Variants in RREB1 observed in about 807,000 individuals in gnomAD.
RREB1 encodes ras responsive element binding protein 1.
Under a neutral mutation model 117.8 loss-of-function variants are expected in RREB1, and 27 were observed. That is an observed-to-expected ratio of 0.23 (90% confidence interval 0.17 to 0.32). The LOEUF (loss-of-function observed/expected upper bound fraction) is 0.32, where lower values mean the gene tolerates loss of function less well. RREB1 is among the 10% of genes least tolerant of loss of function. The probability of loss-of-function intolerance (pLI) is 1.00; values close to 1 mark genes in which losing one functional copy is unlikely to be tolerated. For missense variants in RREB1, 2,577 were observed against 2,378.2 expected (o/e 1.08, Z -1.74); for synonymous variants, 1,298 against 1,026.7 (o/e 1.26, Z -5.05).
At chr6:7,182,599 G>C (rs2113532877) in intron 4 of RREB1, among the ~76,000 whole-genome samples, 1 of 152,290 alleles carries the variant, frequency 6.6e-6, no homozygotes, top group African/African-American at 2.4e-5. Flanking sequence ...AAAGTAAATA[G>C]GTGGAATTGA....
At position 7,171,771 on chromosome 6, in the gene RREB1, T is replaced by C. The variant is rs142895928; in HGVS notation, c.-284-4884T>C. Among the ~76,000 whole-genome samples, 33 of 152,134 alleles carry C rather than the reference T, an allele frequency of 2.2e-4. 2 individuals are homozygous for C. The highest frequency in any genetic ancestry group is 6.5e-4 in the African/African-American group (27 of 41,498). On this transcript the variant is annotated intron_variant, in intron 1 of 12. Transcript: ENST00000379938. ...ACGAGCCATGGGTCAGTGGGAGTCA[T>C]GTGGAACATGGCCATGAGGGATGAG...
intron 11 of RREB1, 58 bp downstream of exon 11, chr6:7,240,660 G>A: frequency 2.0e-6 from 3 of 1,529,074 alleles, no homozygotes; most frequent in Non-Finnish European, 2.7e-6. Context: ...GTTCGGTTAA[G>A]AATTGTAGCA....
At chr6:7,192,179 T>TTTG (rs551930153) in intron 6 of RREB1, among the ~76,000 whole-genome samples, 76 of 150,868 alleles carry the variant, frequency 5.0e-4, no homozygotes, top group African/African-American at 1.6e-3. Context: ...CCTTTATTCT[T>TTTG]TTGTTGTTGT....
At chr6:7,227,033 G>A (rs755000946) in intron 9 of RREB1, among the ~76,000 whole-genome samples, 33 of 152,162 alleles carry the variant, frequency 2.2e-4, no homozygotes, top group Non-Finnish European at 3.8e-4. Flanking sequence ...TTGAGGTCAG[G>A]AGGTTGAGAC....
intron 1 of RREB1, among the ~76,000 whole-genome samples, chr6:7,115,076 C>T (rs1300882712): frequency 6.7e-6 from 1 of 149,998 alleles, no homozygotes; most frequent in Non-Finnish European, 1.5e-5. Context: ...GTTTTATTTT[C>T]TCAAGTTTTT....
rs750346771 is a variant in RREB1 at position 7,229,273 on chromosome 6, C to G, written c.1174C>G (p.Gln392Glu). The change falls in exon 10 of 13, where the codon CAG (glutamine) becomes GAG (glutamate). Residue 392 changes from glutamine to glutamate, a missense_variant. Coordinates refer to ENST00000379938, the MANE Select transcript of RREB1 (RefSeq NM_001003699.4). The surrounding 1 kb of genome is among the most constrained non-coding windows in gnomAD (Gnocchi z 4.5). ...CCTGCCGGATGACAACCAGGCAATT[C>G]AGCTCCAGACACTCAAGTGTCAGCT... is the stretch of plus-strand genomic sequence containing the variant. ...EPLPDDNQAI[Q>E]LQTLKCQLPQ... 12 of 1,614,114 alleles carry G rather than the reference C, an allele frequency of 7.4e-6. No homozygotes were observed. The highest frequency in any genetic ancestry group is 9.3e-6 in the Non-Finnish European group (11 of 1,180,018).
At chr6:7,179,915 G>A (rs1764704717) in intron 2 of RREB1, among the ~76,000 whole-genome samples, 1 of 152,026 alleles carries the variant, frequency 6.6e-6, no homozygotes, top group Admixed American at 6.5e-5. Context: ...GCCTCCCAAA[G>A]TGCTGACATT....
chr6:7,177,231 A>T (rs1219462684), intron 2 of RREB1, among the ~76,000 whole-genome samples: 1 of 151,322 alleles, frequency 6.6e-6, no homozygotes, highest in Non-Finnish European at 1.5e-5. Context: ...AAAAAAAAAA[A>T]AAAAAAAAAA....
chr6:7,231,829 C>A lies in RREB1; in HGVS notation c.3730C>A (p.Gln1244Lys). The change falls in exon 10 of 13, where the codon CAG becomes AAG. Residue 1244 changes from glutamine to lysine, a missense_variant. Gln to Lys is a moderately conservative substitution (Grantham distance 53, BLOSUM62 1). Coordinates refer to ENST00000379938, the MANE Select transcript of RREB1 (RefSeq NM_001003699.4). ...GCGGAACTCGTACACCAACTGCCTGCAGAAGATCACCTGTCCCCACTGTCC... is the reference window on the plus strand; with the variant it reads ...GCGGAACTCGTACACCAACTGCCTGAAGAAGATCACCTGTCCCCACTGTCC... ...AKRNSYTNCL[Q>K]KITCPHCPRV... 1 of 1,613,730 alleles carries A rather than the reference C, an allele frequency of 6.2e-7. No homozygotes were observed. Among genetic ancestry groups the A allele is most frequent in the East Asian group, 2.2e-5 (1 of 44,876 alleles).
chr6:7,226,224 G>A lies in RREB1; in HGVS notation c.708-243G>A, dbSNP rs554605978. Among the ~76,000 whole-genome samples the A allele has an allele frequency of 6.6e-5, 10 of 152,298 alleles. No homozygotes were observed. In the South Asian group the frequency reaches 1.0e-3, roughly 16 times the overall value. On this transcript the variant is annotated intron_variant, in intron 8 of 12. Coordinates refer to ENST00000379938, the MANE Select transcript of RREB1 (RefSeq NM_001003699.4). ...CAGACTGTGGGTGTTTAGGTCGTAC[G>A]TACACCTTGTGCTGCCTGCAAAGAT...
intron 6 of RREB1, among the ~76,000 whole-genome samples, chr6:7,209,276 G>A (rs1373107210): frequency 2.0e-5 from 3 of 152,086 alleles, no homozygotes. Context: ...AATTAATTTT[G>A]AGTAATTTAT....
chr6:7,224,384 A>T (rs963758093), intron 8 of RREB1, among the ~76,000 whole-genome samples: 7 of 152,200 alleles, frequency 4.6e-5, no homozygotes, highest in African/African-American at 1.4e-4. Context: ...AATATCTCTG[A>T]TCAGAGTTAG....
intron 6 of RREB1, among the ~76,000 whole-genome samples, chr6:7,198,859 G>C (rs1399101434): frequency 6.6e-6 from 1 of 151,990 alleles, no homozygotes; most frequent in Non-Finnish European, 1.5e-5. Context: ...TTTCACTCTT[G>C]AGAGTGCACC....
intron 1 of RREB1, among the ~76,000 whole-genome samples, chr6:7,119,973 G>A (rs1252298546): frequency 1.3e-5 from 2 of 152,040 alleles, no homozygotes; most frequent in Non-Finnish European, 2.9e-5. Context: ...TGACTTCCTG[G>A]TCTCTGGCTT....
chr6:7,176,865 C>T (rs568868379), intron 2 of RREB1, 92 bp downstream of exon 2: 3 of 152,548 alleles, frequency 2.0e-5, no homozygotes, highest in Admixed American at 6.5e-5. Flanking sequence ...CCCTACCTCC[C>T]GTTTAATTGT....
chr6:7,235,696 C>T (rs922040206), intron 10 of RREB1, among the ~76,000 whole-genome samples: 5 of 151,938 alleles, frequency 3.3e-5, no homozygotes, highest in Non-Finnish European at 7.4e-5. Flanking sequence ...TTTAAACAAA[C>T]TGTCTACACC....
chr6:7,223,931 A>C (rs1031508821), intron 8 of RREB1, among the ~76,000 whole-genome samples: 2 of 152,224 alleles, frequency 1.3e-5, no homozygotes, highest in African/African-American at 4.8e-5. Flanking sequence ...TAATTTAATT[A>C]AATTTTATAT....
chr6:7,204,369 A>T (rs533330410), intron 6 of RREB1, among the ~76,000 whole-genome samples: 1 of 139,300 alleles, frequency 7.2e-6, no homozygotes, highest in Admixed American at 8.1e-5. Flanking sequence ...CTTGATTGGC[A>T]TTACAAGCAT....
In RREB1 at chr6:7,220,728, C is replaced by T. The variant is rs7754891; in HGVS notation, c.708-5739C>T. Among the ~76,000 whole-genome samples, 1,258 of 152,350 alleles carry T rather than the reference C, an allele frequency of 8.3e-3. 14 individuals are homozygous for T. Among genetic ancestry groups the T allele is most frequent in the African/African-American group, 0.029 (1,206 of 41,570 alleles). On this transcript the variant is annotated intron_variant, in intron 8 of 12. Coordinates refer to ENST00000379938, the MANE Select transcript of RREB1 (RefSeq NM_001003699.4). ...AAATTGTCCTACAGCCCTCCCCTCT[C>T]CTGTGGCTCTAAGTGCAGTTCTGCC...
Sources: allele counts gnomAD v4.1 joint callset (sites outside exome capture counted in the v4.1 genomes callset), GRCh38; gene constraint gnomAD v4.1.1; non-coding constraint Gnocchi (gnomAD v3.1); transcripts MANE v1.5; gene names NCBI Gene and HGNC (gene_info 2026-07-23, HGNC 2026-07-21).